RBM47: variants seen among roughly 807,000 people sequenced by gnomAD.
RBM47 encodes the protein RNA-binding protein 47.
Under a neutral mutation model 47.1 loss-of-function variants are expected in RBM47, and 21 were observed. That is an observed-to-expected ratio of 0.45 (90% CI 0.32 to 0.64). The LOEUF is 0.64. Among genes scored for constraint, RBM47 ranks in the 30% least tolerant of loss-of-function variants. The probability of loss-of-function intolerance (pLI) is 0.05; values close to 1 mark genes in which losing one functional copy is unlikely to be tolerated. For synonymous variants in RBM47, 375 were observed against 361.7 expected (o/e 1.04, Z -0.42); for missense variants, 708 against 870.9 (o/e 0.81, Z 2.35).
At chr4:40,574,808 C>T (rs938712879) in intron 1 of RBM47, among the ~76,000 whole-genome samples, 15 of 152,176 alleles carry the variant, frequency 9.9e-5, no homozygotes, top group African/African-American at 3.4e-4. Context: ...CAAGATCACA[C>T]AACTGCACTC....
chr4:40,508,751 T>A (rs1724465343), intron 2 of RBM47, among the ~76,000 whole-genome samples: 1 of 152,234 alleles, frequency 6.6e-6, no homozygotes, highest in Non-Finnish European at 1.5e-5. Flanking sequence ...ATTTTGTGCC[T>A]TAATCTGGGT....
intron 1 of RBM47, among the ~76,000 whole-genome samples, chr4:40,549,692 T>A (rs1271024159): frequency 6.6e-6 from 1 of 151,500 alleles, no homozygotes; most frequent in Admixed American, 6.6e-5. Flanking sequence ...CCAGCTAATT[T>A]TTTTTTGAGA....
intron 1 of RBM47, among the ~76,000 whole-genome samples, chr4:40,597,697 A>T (rs1734880910): frequency 6.6e-6 from 1 of 152,264 alleles, no homozygotes; most frequent in African/African-American, 2.4e-5. Context: ...AAAACAAAAC[A>T]ATGCACATAA....
intron 3 of RBM47, among the ~76,000 whole-genome samples, chr4:40,442,526 T>C (rs1180056057): frequency 1.3e-5 from 2 of 152,136 alleles, no homozygotes; most frequent in Non-Finnish European, 2.9e-5. Context: ...TCTAGGTATA[T>C]ACCCAAAAGA....
chr4:40,514,668 C>G (rs1166533188), intron 2 of RBM47: 1 of 152,146 alleles, frequency 6.6e-6, no homozygotes, highest in Non-Finnish European at 1.5e-5. Context: ...GCAAACACCA[C>G]TGAGGGAACA....
At position 40,432,708 on chromosome 4, in the gene RBM47, C is replaced by A. The variant is rs755929230; in HGVS notation, c.1485G>T (p.Ala495=). 1.3e-6 allele frequency: 2 copies of A among 1,589,718 alleles called. No individual in the cohort carries two copies. Among genetic ancestry groups the A allele is most frequent in the South Asian group, 2.2e-5 (2 of 89,556 alleles). Residue 495 remains alanine (A), a synonymous_variant, in exon 6 of 7, where the codon GCG becomes GCT. Coordinates refer to ENST00000295971, the MANE Select transcript of RBM47 (RefSeq NM_001098634.2). ...DPASAAAAAA[A]AAAAAAAVIP... ...TGACAGCGGCTGCGGCGGCTGCGGC[C>A]GCGGCTGCGGCGGCAGCAGCACTGG...
chr4:40,578,417 CAAAT>C (rs1275183743), intron 1 of RBM47, among the ~76,000 whole-genome samples: 1 of 152,202 alleles, frequency 6.6e-6, no homozygotes, highest in Non-Finnish European at 1.5e-5. Context: ...TCTAGAAACT[CAAAT>C]AAAAGCAATT....
At chr4:40,507,782 T>C (rs1724327598) in intron 2 of RBM47, among the ~76,000 whole-genome samples, 1 of 147,408 alleles carries the variant, frequency 6.8e-6, no homozygotes, top group Admixed American at 6.8e-5. Context: ...TGAGACTCCA[T>C]CTCAAAAAAA....
intron 4 of RBM47, 33 bp downstream of exon 4, chr4:40,437,738 G>A (rs1712882367): frequency 4.5e-6 from 7 of 1,564,818 alleles, no homozygotes; most frequent in African/African-American, 1.4e-5. Flanking sequence ...AACGTTCTTG[G>A]GGGCCCCACC....
chr4:40,587,950 G>A (rs1378709355), intron 1 of RBM47, among the ~76,000 whole-genome samples: 1 of 152,138 alleles, frequency 6.6e-6, no homozygotes, highest in East Asian at 1.9e-4. Context: ...GGCTGCCCTC[G>A]GCTAGACAAC....
intron 1 of RBM47, among the ~76,000 whole-genome samples, chr4:40,621,050 C>T (rs953369540): frequency 6.6e-6 from 1 of 151,738 alleles, no homozygotes; most frequent in African/African-American, 2.4e-5. Flanking sequence ...AAATCAGCCA[C>T]AAACCATGAC....
intron 2 of RBM47, among the ~76,000 whole-genome samples, chr4:40,534,335 G>A (rs929085534): frequency 6.6e-6 from 1 of 152,008 alleles, no homozygotes; most frequent in African/African-American, 2.4e-5. Flanking sequence ...AGAAAAAACA[G>A]TTCAAGGGAC....
chr4:40,450,964 T>C (rs1715332406), intron 3 of RBM47, among the ~76,000 whole-genome samples: 1 of 152,148 alleles, frequency 6.6e-6, no homozygotes, highest in South Asian at 2.1e-4. Flanking sequence ...CTGGCACACA[T>C]GGTAGGTACT....
chr4:40,599,064 G>A (rs944827149), intron 1 of RBM47, among the ~76,000 whole-genome samples: 12 of 151,834 alleles, frequency 7.9e-5, no homozygotes, highest in African/African-American at 9.7e-5. Context: ...AGACCAGCCC[G>A]GCCAACATGA....
chr4:40,571,758 G>A (rs759301348), intron 1 of RBM47, among the ~76,000 whole-genome samples: 3 of 151,886 alleles, frequency 2.0e-5, no homozygotes, highest in Non-Finnish European at 2.9e-5. Flanking sequence ...GGTGGCTCAC[G>A]CCTGTAATCC....
At chr4:40,597,215 G>A (rs34597925) in intron 1 of RBM47, among the ~76,000 whole-genome samples, 38,159 of 145,440 alleles carry the variant, frequency 0.26, 4,898 homozygotes, top group Middle Eastern at 0.33. Context: ...AGCCGAGATC[G>A]TGCCACTGCA....
intron 3 of RBM47, among the ~76,000 whole-genome samples, chr4:40,458,011 C>G (rs1164951271): frequency 6.6e-6 from 1 of 152,146 alleles, no homozygotes; most frequent in African/African-American, 2.4e-5. Flanking sequence ...CGTTCCCAAA[C>G]ATAAACTTAC....
chr4:40,488,337 A>G (rs1407281785), intron 2 of RBM47, among the ~76,000 whole-genome samples: 2 of 130,592 alleles, frequency 1.5e-5, no homozygotes, highest in Admixed American at 1.6e-4. Flanking sequence ...CTCAAAAGAA[A>G]AAAAAAAGGG....
chr4:40,591,810 G>A (rs1734165936), intron 1 of RBM47, among the ~76,000 whole-genome samples: 1 of 152,176 alleles, frequency 6.6e-6, no homozygotes, highest in African/African-American at 2.4e-5. Flanking sequence ...CTGGAGTGGA[G>A]TTCTCTAGCC....
Sources: gnomAD v4.1 joint callset for allele counts (sites outside exome capture counted in the v4.1 genomes callset) on GRCh38, gnomAD v4.1.1 for gene constraint, MANE v1.5 for transcripts, NCBI Gene and HGNC (gene_info 2026-07-23, HGNC 2026-07-21) for gene names.